The following GHR variants were observed in gnomAD, a reference collection of about 807,000 sequenced individuals.
GHR encodes the protein GH receptor.
Under a neutral mutation model 67.1 loss-of-function variants are expected in GHR, and 35 were observed. The observed-to-expected ratio is 0.52, with a 90% CI of 0.40 to 0.69. GHR has a LOEUF of 0.69. Ranked by LOEUF, GHR falls within the 30% of genes least tolerant of loss-of-function variation. The pLI, the probability that GHR is intolerant of heterozygous loss-of-function variation, is 0.00. For missense variants in GHR, 792 were observed against 764.6 expected (o/e 1.04, Z -0.42); for synonymous variants, 272 against 269.1 (o/e 1.01, Z -0.10).
chr5:42,591,017 TC>T lies in GHR; in HGVS notation c.70+25074del, dbSNP rs555668732. 7.5e-4 allele frequency among the ~76,000 whole-genome samples: 115 copies of T among 152,350 alleles called. 1 individual carries two copies. Among genetic ancestry groups the T allele is most frequent in the African/African-American group, 2.6e-3 (107 of 41,584 alleles). On this transcript the variant is annotated intron_variant, in intron 2 of 9. Transcript: ENST00000230882. The stretch of plus-strand genomic sequence containing the variant: ...CACCTCACAATCTTTAAAAGGGAAC[TC>T]TGTACAGAAGCATTCTGCATTAGGC...
chr5:42,485,899 T>A, intron 1 of GHR, among the ~76,000 whole-genome samples: 1 of 152,232 alleles, frequency 6.6e-6, no homozygotes, highest in East Asian at 1.9e-4. Context: ...GTTTTAAATC[T>A]GTTCTACTGA....
chr5:42,563,489 G>A (rs943100618), intron 1 of GHR, among the ~76,000 whole-genome samples: 1 of 151,986 alleles, frequency 6.6e-6, no homozygotes, highest in South Asian at 2.1e-4. Context: ...GCGGTGGCGG[G>A]CGCCTGTAGT....
chr5:42,486,203 A>G (rs1046713437), intron 1 of GHR, among the ~76,000 whole-genome samples: 2 of 152,042 alleles, frequency 1.3e-5, no homozygotes, highest in South Asian at 2.1e-4. Flanking sequence ...TCTCCAATAC[A>G]TCTTCTCTGG....
In GHR at chr5:42,699,914, C is replaced by T; in HGVS notation, c.530C>T (p.Ala177Val). 1 of 1,596,048 alleles carries T rather than the reference C, an allele frequency of 6.3e-7. No individual in the cohort carries two copies. The highest frequency in any genetic ancestry group is 8.6e-7 in the Non-Finnish European group (1 of 1,163,560). ...IHADIQVRWEAPRNADIQKGW... is the reference protein window; with the variant it reads ...IHADIQVRWEVPRNADIQKGW... ...GCAGATATCCAAGTGAGATGGGAAG[C>T]ACCACGCAATGCAGATATTCAGAAA... Residue 177 changes from alanine to valine, a missense_variant, in exon 6 of 10, where the codon GCA (alanine) becomes GTA (valine). By Grantham distance (64) the Ala-to-Val change is moderately conservative. Coordinates refer to ENST00000230882, the MANE Select transcript of GHR (RefSeq NM_000163.5).
intron 1 of GHR, among the ~76,000 whole-genome samples, chr5:42,499,996 C>T (rs1746473932): frequency 6.6e-6 from 1 of 152,160 alleles, no homozygotes; most frequent in Admixed American, 6.5e-5. Flanking sequence ...CTTCCCCTCC[C>T]CTCCACTCCT....
intron 1 of GHR, among the ~76,000 whole-genome samples, chr5:42,479,148 G>A (rs1579783263): frequency 6.6e-6 from 1 of 152,220 alleles, no homozygotes; most frequent in East Asian, 1.9e-4. Context: ...ATAATCATGT[G>A]GTTTTTGTCT....
At chr5:42,458,239 G>A (rs1744341170) in intron 1 of GHR, among the ~76,000 whole-genome samples, 1 of 152,076 alleles carries the variant, frequency 6.6e-6, no homozygotes, top group African/African-American at 2.4e-5. Flanking sequence ...ATACTACAAG[G>A]CTACAGTAAC....
chr5:42,563,624 C>CAAAAAAAA (rs1168788232), intron 1 of GHR, among the ~76,000 whole-genome samples: 17 of 45,086 alleles, frequency 3.8e-4, no homozygotes, highest in African/African-American at 7.7e-4. Flanking sequence ...GACTCCGTCT[C>CAAAAAAAA]AAAAAAAAAA....
chr5:42,476,327 C>T (rs1443284060), intron 1 of GHR, among the ~76,000 whole-genome samples: 1 of 151,878 alleles, frequency 6.6e-6, no homozygotes, highest in Admixed American at 6.6e-5. Context: ...TCAAGTGATT[C>T]CCCTGCCTCA....
intron 3 of GHR, among the ~76,000 whole-genome samples, chr5:42,670,508 A>AAAT (rs1756219963): frequency 6.6e-6 from 1 of 152,188 alleles, no homozygotes; most frequent in African/African-American, 2.4e-5. Flanking sequence ...ACAAAAGCAA[A>AAAT]AATAGACAAA....
chr5:42,458,219 A>G (rs529783093), intron 1 of GHR, among the ~76,000 whole-genome samples: 2 of 152,172 alleles, frequency 1.3e-5, no homozygotes, highest in Non-Finnish European at 2.9e-5. Flanking sequence ...TCATTCTCTC[A>G]CTTCAAATCA....
chr5:42,719,048 G>A lies in GHR; in HGVS notation c.1541G>A (p.Cys514Tyr). 1.2e-6 allele frequency: 2 copies of A among 1,609,622 alleles called. No homozygotes were observed. The highest frequency in any genetic ancestry group is 1.7e-6 in the Non-Finnish European group (2 of 1,176,778). The change falls in exon 10 of 10, where the codon TGT becomes TAT. Residue 514 changes from cysteine (C) to tyrosine (Y), a missense_variant. Physicochemically the swap from Cys to Tyr is radical, Grantham distance 194 (BLOSUM62 -2). Coordinates refer to ENST00000230882, the MANE Select transcript of GHR (RefSeq NM_000163.5). ...GQKNKAGMSQ[C>Y]DMHPEMVSLC... is the part of the protein sequence containing the mutation. ...AAGAATAAGGCAGGGATGTCCCAAT[G>A]TGACATGCACCCGGAAATGGTCTCA...
At chr5:42,696,997 G>C (rs747452221) in intron 5 of GHR, among the ~76,000 whole-genome samples, 6 of 152,194 alleles carry the variant, frequency 3.9e-5, no homozygotes, top group Admixed American at 6.5e-5. Context: ...GTGAAACGTA[G>C]ATTGGAGTGG....
At chr5:42,635,010 A>C (rs1425690168) in intron 3 of GHR, among the ~76,000 whole-genome samples, 1 of 152,128 alleles carries the variant, frequency 6.6e-6, no homozygotes, top group Non-Finnish European at 1.5e-5. Context: ...CCAAAAACAA[A>C]AAAAAAAAAA....
intron 2 of GHR, among the ~76,000 whole-genome samples, chr5:42,579,084 TAG>T (rs1750936704): frequency 1.3e-5 from 1 of 78,412 alleles, no homozygotes; most frequent in Non-Finnish European, 2.8e-5. Flanking sequence ...TATAGATAGA[TAG>T]ATAGATAGAT....
At chr5:42,702,848 C>A (rs1361642645) in intron 6 of GHR, among the ~76,000 whole-genome samples, 1 of 151,984 alleles carries the variant, frequency 6.6e-6, no homozygotes, top group Non-Finnish European at 1.5e-5. Flanking sequence ...TACCTGTTGG[C>A]CATTTCTATA....
chr5:42,675,025 T>G (rs1035172374), intron 3 of GHR, among the ~76,000 whole-genome samples: 2 of 152,194 alleles, frequency 1.3e-5, no homozygotes, highest in African/African-American at 4.8e-5. Context: ...AATTATTTAA[T>G]TATTTAATTT....
At chr5:42,602,633 A>G (rs935575146) in intron 2 of GHR, among the ~76,000 whole-genome samples, 9 of 152,094 alleles carry the variant, frequency 5.9e-5, no homozygotes, top group Middle Eastern at 3.4e-3. Context: ...TTATGCTGAT[A>G]GGTTTTGATT....
intron 1 of GHR, among the ~76,000 whole-genome samples, chr5:42,429,022 A>G (rs943156367): frequency 6.6e-6 from 1 of 152,194 alleles, no homozygotes; most frequent in East Asian, 1.9e-4. Flanking sequence ...TCTTTACAGC[A>G]GCACCAACTC....
Sources: gnomAD v4.1 joint callset for allele counts (sites outside exome capture counted in the v4.1 genomes callset) on GRCh38, gnomAD v4.1.1 for gene constraint, MANE v1.5 for transcripts, NCBI Gene and HGNC (gene_info 2026-07-23, HGNC 2026-07-21) for gene names.